Variants in GALNT14 observed in about 807,000 individuals in gnomAD.
The protein encoded by GALNT14 is polypeptide N-acetylgalactosaminyltransferase 14.
GALNT14 carries 60 observed loss-of-function variants against 77.5 expected under a neutral mutation model. That is an observed-to-expected ratio of 0.77 (90% CI 0.63 to 0.96). The LOEUF (loss-of-function observed/expected upper bound fraction) is 0.96. Among genes scored for constraint, GALNT14 ranks in the 40% least tolerant of loss-of-function variants. The probability of loss-of-function intolerance (pLI) is 0.00; values close to 1 mark genes in which losing one functional copy is unlikely to be tolerated. For synonymous variants in GALNT14, 280 were observed against 281.7 expected, an observed-to-expected ratio of 0.99 and a Z score of 0.06; for missense variants, 710 against 731.0, an observed-to-expected ratio of 0.97 and a Z score of 0.33.
intron 1 of GALNT14, among the ~76,000 whole-genome samples, chr2:31,083,047 T>A (rs1676233942): frequency 1.3e-5 from 2 of 151,966 alleles, no homozygotes; most frequent in Admixed American, 6.6e-5. Flanking sequence ...AACAAAGAAA[T>A]CTACTACTAT....
At chr2:31,127,042 C>G (rs550013403) in intron 1 of GALNT14, among the ~76,000 whole-genome samples, 1 of 152,300 alleles carries the variant, frequency 6.6e-6, no homozygotes, top group East Asian at 1.9e-4. Flanking sequence ...TCAGATCTTT[C>G]TTTTTCAACT....
intron 1 of GALNT14, among the ~76,000 whole-genome samples, chr2:31,050,188 C>G (rs1648485723): frequency 6.6e-6 from 1 of 152,168 alleles, no homozygotes; most frequent in Non-Finnish European, 1.5e-5. Context: ...ATTCAAGCTC[C>G]CAGGCCTCTC....
intron 1 of GALNT14, among the ~76,000 whole-genome samples, chr2:30,994,797 G>T (rs911400641): frequency 6.6e-6 from 1 of 152,138 alleles, no homozygotes; most frequent in Non-Finnish European, 1.5e-5. Flanking sequence ...GAGCCCTTAT[G>T]GTGCTCCGAG....
At chr2:31,089,235 T>C (rs1402167504) in intron 1 of GALNT14, among the ~76,000 whole-genome samples, 2 of 152,186 alleles carry the variant, frequency 1.3e-5, no homozygotes, top group African/African-American at 4.8e-5. Context: ...GCTCGTCTCA[T>C]TGTTTGAAGT....
chr2:31,110,786 G>A (rs1037008540), intron 1 of GALNT14, among the ~76,000 whole-genome samples: 8 of 152,084 alleles, frequency 5.3e-5, no homozygotes, highest in Non-Finnish European at 2.9e-5. Context: ...TCTCTGAGTG[G>A]GAGAAACTGA....
chr2:30,990,102 G>T (rs1307187636), intron 2 of GALNT14, among the ~76,000 whole-genome samples: 1 of 152,150 alleles, frequency 6.6e-6, no homozygotes, highest in Non-Finnish European at 1.5e-5. Context: ...GCAAGGTGGG[G>T]AGACATAGCT....
rs551697038 is a variant in GALNT14, at chr2:31,089,823, A to G, written c.129+48135T>C. Among the ~76,000 whole-genome samples, 55 of 152,256 alleles carry G rather than the reference A, an allele frequency of 3.6e-4. 2 individuals carry two copies. In the South Asian group the frequency reaches 0.011, roughly 31 times the overall value. ...CTGGCGTGCTAGTTCCAAAGCTACC[A>G]TGCAGACCTTGTTTATACCTGAAAG... On this transcript the variant is annotated intron_variant, in intron 1 of 14. Coordinates refer to ENST00000349752, the MANE Select transcript of GALNT14 (RefSeq NM_024572.4).
At chr2:31,044,560 C>A (rs928413298) in intron 1 of GALNT14, among the ~76,000 whole-genome samples, 2 of 152,144 alleles carry the variant, frequency 1.3e-5, no homozygotes, top group Non-Finnish European at 2.9e-5. Context: ...ACAAAAGATT[C>A]TTCTAGAAAT....
At chr2:30,974,276 T>C (rs1668516979) in intron 2 of GALNT14, among the ~76,000 whole-genome samples, 2 of 152,276 alleles carry the variant, frequency 1.3e-5, no homozygotes, top group Admixed American at 1.3e-4. Flanking sequence ...TCCATCTGGC[T>C]GTTTCTCTCC....
downstream of GALNT14, among the ~76,000 whole-genome samples, chr2:30,906,423 A>G (rs1280475157): frequency 2.3e-4 from 35 of 149,352 alleles, no homozygotes; most frequent in Middle Eastern, 3.5e-3. Context: ...TCTCTGATAA[A>G]ACAGACTTTA....
chr2:30,977,582 A>C (rs574709067), intron 2 of GALNT14, among the ~76,000 whole-genome samples: 5 of 152,156 alleles, frequency 3.3e-5, no homozygotes, highest in Admixed American at 1.3e-4. Flanking sequence ...TTTCACCTGA[A>C]AGGGGAAAGT....
chr2:31,007,773 C>T (rs912714942), intron 1 of GALNT14, among the ~76,000 whole-genome samples: 1 of 152,078 alleles, frequency 6.6e-6, no homozygotes, highest in African/African-American at 2.4e-5. Context: ...TATCCGTTTC[C>T]TTAGTGCATT....
At chr2:30,908,663 C>T, downstream of GALNT14, among the ~76,000 whole-genome samples, 1 of 109,524 alleles carries the variant, frequency 9.1e-6, no homozygotes, top group African/African-American at 4.0e-5. Flanking sequence ...AATGCCATCC[C>T]CATCAAGCTA....
At chr2:30,971,288 C>T (rs1008208231) in intron 2 of GALNT14, among the ~76,000 whole-genome samples, 8 of 152,132 alleles carry the variant, frequency 5.3e-5, no homozygotes, top group South Asian at 2.1e-4. Context: ...AGCAGACAGA[C>T]GAGCAAGTAC....
intron 1 of GALNT14, among the ~76,000 whole-genome samples, chr2:31,124,654 T>C (rs906028646): frequency 1.3e-5 from 2 of 152,208 alleles, no homozygotes; most frequent in Admixed American, 6.5e-5. Context: ...AGGGTCTCCC[T>C]CTATTGCCCA....
intron 8 of GALNT14, among the ~76,000 whole-genome samples, chr2:30,943,762 A>T (rs1312820941): frequency 1.3e-5 from 2 of 152,138 alleles, no homozygotes; most frequent in African/African-American, 2.4e-5. Flanking sequence ...AACTGGCTCC[A>T]ATTTTCCTCT....
At chr2:31,016,972 C>T (rs904503894) in intron 1 of GALNT14, among the ~76,000 whole-genome samples, 1 of 152,156 alleles carries the variant, frequency 6.6e-6, no homozygotes, top group African/African-American at 2.4e-5. Flanking sequence ...CTGGACGAAC[C>T]GTACACATTA....
intron 6 of GALNT14, 107 bp from the exon 7 acceptor site, chr2:30,945,977 C>T: frequency 1.2e-6 from 1 of 812,618 alleles, no homozygotes; most frequent in East Asian, 2.6e-5. Flanking sequence ...GTTTTGTGGC[C>T]TTCATAGAGC....
At chr2:31,109,066 A>G (rs1382250709) in intron 1 of GALNT14, among the ~76,000 whole-genome samples, 3 of 152,186 alleles carry the variant, frequency 2.0e-5, no homozygotes, top group Non-Finnish European at 2.9e-5. Context: ...CTTGCTCAGC[A>G]CAGCTGTTAT....
Sources: gnomAD v4.1 joint callset for allele counts (sites outside exome capture counted in the v4.1 genomes callset) on GRCh38, gnomAD v4.1.1 for gene constraint, MANE v1.5 for transcripts, NCBI Gene and HGNC (gene_info 2026-07-23, HGNC 2026-07-21) for gene names.